Variants in ECPAS observed in about 807,000 individuals in gnomAD.
The protein encoded by ECPAS is Ecm29 proteasome adaptor and scaffold.
Under a neutral mutation model 255.1 loss-of-function variants are expected in ECPAS, and 70 were observed. The observed-to-expected ratio is 0.27, with a 90% CI of 0.23 to 0.33. The LOEUF is 0.33. ECPAS is among the 10% of genes least tolerant of loss of function. The pLI, the probability that ECPAS is intolerant of heterozygous loss-of-function variation, is 1.00. For synonymous variants in ECPAS, 784 were observed against 775.0 expected (o/e 1.01, Z -0.19); for missense variants, 1,817 against 2,206.4 (o/e 0.82, Z 3.54).
chr9:111,410,185 G>A lies in ECPAS; in HGVS notation c.2406C>T (p.Leu802=). 1 of 1,613,192 alleles carries A rather than the reference G, an allele frequency of 6.2e-7. No homozygotes were observed. The highest frequency in any genetic ancestry group is 8.5e-7 in the Non-Finnish European group (1 of 1,179,612). Residue 802 remains leucine (L), a synonymous_variant, in exon 23 of 50, where the codon CTC becomes CTT. Coordinates refer to ENST00000684092, the MANE Select transcript of ECPAS (RefSeq NM_001364929.1). ...IGSFLDSTSP[L]LAIAACTALG... ...GGGCTGTGCAGGCAGCAATTGCCAG[G>A]AGGGGTGATGTACTGTCCAAAAATG...
chr9:111,425,517 C>T, intron 11 of ECPAS, 21 bp from the exon 12 acceptor site: 1 of 1,520,942 alleles, frequency 6.6e-7, no homozygotes, highest in African/African-American at 1.4e-5. Flanking sequence ...AACACACATA[C>T]ACAAAGCAAG....
At chr9:111,393,294 T>C (rs2098162959) in intron 27 of ECPAS, among the ~76,000 whole-genome samples, 1 of 152,154 alleles carries the variant, frequency 6.6e-6, no homozygotes, top group Non-Finnish European at 1.5e-5. Context: ...AAACAAAGCT[T>C]AGTACTGAAA....
chr9:111,415,228 C>CGT (rs541242640), intron 18 of ECPAS, among the ~76,000 whole-genome samples: 1,414 of 126,874 alleles, frequency 0.011, 16 homozygotes, highest in African/African-American at 0.022. Context: ...TTTTAAAAGC[C>CGT]GTGTGTGTGT....
At chr9:111,370,320 T>C (rs1589111731) in intron 45 of ECPAS, 115 bp downstream of exon 45, 1 of 678,652 alleles carries the variant, frequency 1.5e-6, no homozygotes, top group Non-Finnish European at 2.5e-6. Flanking sequence ...TATTTTGGAA[T>C]TTCTCTGCTA....
rs2098128901 is a variant in ECPAS at position 111,372,702 on chromosome 9, A to G, written c.4337-82T>C. ...CTAAACAGGCTATTGTTCAACTCAT[A>G]TAATAGCAAAACAAACAGGTAAAAT... On this transcript the variant is annotated intron_variant, in intron 41 of 49. Coordinates refer to ENST00000684092, the MANE Select transcript of ECPAS (RefSeq NM_001364929.1). 4 of 1,066,838 alleles carry G rather than the reference A, an allele frequency of 3.7e-6. No individual in the cohort carries two copies. The East Asian group carries it at 7.8e-5, about 21-fold the overall frequency. 66.1% of individuals were successfully genotyped at this position (1,066,838 alleles called of 1,614,324 possible).
chr9:111,456,639 A>C (rs2098267325), intron 2 of ECPAS, among the ~76,000 whole-genome samples: 1 of 152,188 alleles, frequency 6.6e-6, no homozygotes, highest in South Asian at 2.1e-4. Context: ...TATGAATAAG[A>C]AGCTAACTCC....
chr9:111,434,162 G>C (rs1439084416), intron 7 of ECPAS, among the ~76,000 whole-genome samples: 1 of 152,024 alleles, frequency 6.6e-6, no homozygotes, highest in Non-Finnish European at 1.5e-5. Flanking sequence ...AGAAAAAAAT[G>C]CAACTTAAAA....
At chr9:111,367,346 G>A (rs1333463335) in intron 46 of ECPAS, among the ~76,000 whole-genome samples, 7 of 152,156 alleles carry the variant, frequency 4.6e-5, no homozygotes, top group Non-Finnish European at 1.0e-4. Context: ...CCCAGAAATT[G>A]TAGATATATA....
intron 26 of ECPAS, among the ~76,000 whole-genome samples, chr9:111,393,945 T>C (rs1266643230): frequency 1.3e-5 from 2 of 152,238 alleles, no homozygotes; most frequent in East Asian, 3.8e-4. Flanking sequence ...CTGCCCCAAC[T>C]GAGCCTTCCT....
Position 111,444,566 on chromosome 9 carries a change from A to G in ECPAS, c.154-72T>C, listed in dbSNP as rs777482425. 1.9e-4 allele frequency: 183 copies of G among 983,600 alleles called. No individual in the cohort carries two copies. The Middle Eastern group carries it at 2.2e-3, about 12-fold the overall frequency. 60.9% of individuals were successfully genotyped at this position (983,600 alleles called of 1,614,324 possible). ...AAACCACTCATCTTAAAATTCATTT[A>G]TCAGATGTTATCTATGTTAGTGAAT... On this transcript the variant is annotated intron_variant, in intron 3 of 49. Coordinates refer to ENST00000684092, the MANE Select transcript of ECPAS (RefSeq NM_001364929.1).
In ECPAS at chr9:111,414,475, G is replaced by C. The variant is rs372445811; in HGVS notation, c.1941C>G (p.Val647=). The part of the protein sequence containing the change: ...SSNKSGETNP[V]QIYIGLLQQL... ...GCTGAAGCAGGCCAATGTAGATCTG[G>C]ACAGGGTTAGTCTCCCCACTCTTGT... Residue 647 remains valine, a synonymous_variant, in exon 19 of 50, where the codon GTC becomes GTG. Transcript: ENST00000684092. 5.0e-6 allele frequency: 8 copies of C among 1,613,878 alleles called. No homozygotes were observed. In the African/African-American group the frequency reaches 1.1e-4, roughly 22 times the overall value.
At chr9:111,406,849 C>T (rs1243379610) in intron 24 of ECPAS, among the ~76,000 whole-genome samples, 2 of 148,440 alleles carry the variant, frequency 1.3e-5, no homozygotes, top group African/African-American at 5.2e-5. Flanking sequence ...TGTACTCCAG[C>T]CTTGGTGAGA....
intron 9 of ECPAS, 97 bp from the exon 10 acceptor site, chr9:111,428,258 T>C (rs1589185014): frequency 1.6e-6 from 2 of 1,219,304 alleles, no homozygotes; most frequent in African/African-American, 1.5e-5. Context: ...CTCTCAAACT[T>C]TGTTTCAAGA....
intron 1 of ECPAS, among the ~76,000 whole-genome samples, chr9:111,481,814 T>C (rs2098305826): frequency 6.6e-6 from 1 of 152,188 alleles, no homozygotes; most frequent in Non-Finnish European, 1.5e-5. Context: ...GGATGAACCT[T>C]GAGGACATTA....
intron 2 of ECPAS, among the ~76,000 whole-genome samples, chr9:111,466,642 C>T (rs2098279965): frequency 6.6e-6 from 1 of 151,502 alleles, no homozygotes; most frequent in Non-Finnish European, 1.5e-5. Flanking sequence ...CACACACACA[C>T]ACACACACAC....
At chr9:111,429,147 A>T (rs1484608251) in intron 9 of ECPAS, among the ~76,000 whole-genome samples, 8 of 152,198 alleles carry the variant, frequency 5.3e-5, no homozygotes, top group Admixed American at 4.6e-4. Context: ...CTTTTAGAGA[A>T]AGTATGCACC....
Position 111,367,884 on chromosome 9 carries a change from C to T in ECPAS, c.5113+1151G>A, listed in dbSNP as rs578009642. ...GCAACATAGCAAGACCTCACCTCTT[C>T]AAAAAAAATTTGCTGGGTGTCGTGG... On this transcript the variant is annotated intron_variant, in intron 46 of 49. Transcript: ENST00000684092. Among the ~76,000 whole-genome samples the T allele has an allele frequency of 1.5e-4, 23 of 151,518 alleles. No individual in the cohort carries two copies. The South Asian group carries it at 4.6e-3, about 30-fold the overall frequency.
intron 12 of ECPAS, 86 bp from the exon 13 acceptor site, chr9:111,423,334 C>A: frequency 1.1e-6 from 1 of 903,162 alleles, no homozygotes; most frequent in Non-Finnish European, 1.7e-6. Flanking sequence ...AACCTTTTCG[C>A]TGCAATTACA....
intron 2 of ECPAS, among the ~76,000 whole-genome samples, chr9:111,468,689 C>CGTGTGTGTGTGTGTGT (rs141517725): frequency 2.0e-5 from 3 of 150,020 alleles, no homozygotes; most frequent in South Asian, 2.1e-4. Flanking sequence ...CAAGCTCAAA[C>CGTGTGTGTGTGTGTGT]GTGTGTGTGT....
Sources: gnomAD v4.1 joint callset for allele counts (sites outside exome capture counted in the v4.1 genomes callset) on GRCh38, gnomAD v4.1.1 for gene constraint, MANE v1.5 for transcripts, NCBI Gene and HGNC (gene_info 2026-07-23, HGNC 2026-07-21) for gene names.